PIGZ: variants seen among roughly 807,000 people sequenced by gnomAD.
PIGZ encodes phosphatidylinositol glycan anchor biosynthesis class Z (Gwada blood group), also known as GPI alpha-1,2-mannosyltransferase 4.
Under a neutral mutation model 16.4 loss-of-function variants are expected in PIGZ, and 16 were observed. The observed-to-expected ratio is 0.97, with a 90% CI of 0.66 to 1.48. PIGZ has a LOEUF of 1.48. PIGZ is among the 40% of genes most tolerant of loss of function. The pLI is 0.00. For synonymous variants in PIGZ, 409 were observed against 338.4 expected, an observed-to-expected ratio of 1.21 and a Z score of -2.29; for missense variants, 770 against 739.2, an observed-to-expected ratio of 1.04 and a Z score of -0.48.
chr3:196,952,130 CAA>C, intron 1 of PIGZ, 99 bp from the exon 2 acceptor site: 1 of 1,110,224 alleles, frequency 9.0e-7, no homozygotes, highest in Non-Finnish European at 1.3e-6. Flanking sequence ...ATAAAAATGA[CAA>C]TAATAATAAT....
Position 196,948,071 on chromosome 3 carries a change from C to T in PIGZ, c.826G>A (p.Asp276Asn). The part of the protein sequence containing the change: ...ALTAAVFVAT[D>N]SWYFSSPATS... ...GCGGGGCTGGAGAAATACCAGCTGT[C>T]CGTGGCCACAAACACCGCTGCTGTG... The change falls in exon 3 of 3, where the codon GAC becomes AAC. Residue 276 changes from aspartate (D) to asparagine (N), a missense_variant. Coordinates refer to ENST00000412723, the MANE Select transcript of PIGZ (RefSeq NM_025163.4). The T allele has an allele frequency of 6.3e-7, 1 of 1,588,018 alleles. No individual in the cohort carries two copies. Among genetic ancestry groups the T allele is most frequent in the Non-Finnish European group, 8.6e-7 (1 of 1,164,168 alleles).
At position 196,948,403 on chromosome 3, in the gene PIGZ, G is replaced by A. The variant is rs767111078; in HGVS notation, c.494C>T (p.Ser165Phe). 2.2e-5 allele frequency: 36 copies of A among 1,614,010 alleles called. No individual in the cohort carries two copies. Among genetic ancestry groups the A allele is most frequent in the Admixed American group, 3.3e-5 (2 of 60,004 alleles). The change falls in exon 3 of 3, where the codon TCC (serine) becomes TTC (phenylalanine). Residue 165 changes from serine to phenylalanine, a missense_variant. By Grantham distance (155) the Ser-to-Phe change is radical. Coordinates refer to ENST00000412723, the MANE Select transcript of PIGZ (RefSeq NM_025163.4). ...RWNALALLSG[S>F]YVTLVFYTRT... ...TGTGTAGAAGACCAGGGTGACGTAGGAACCAGACAGCAGGGCCAGGGCGTT... is the reference window on the plus strand; with the variant it reads ...TGTGTAGAAGACCAGGGTGACGTAGAAACCAGACAGCAGGGCCAGGGCGTT...
Position 196,951,867 on chromosome 3 carries a change from G to A in PIGZ, c.165C>T (p.Gly55=). The change falls in exon 2 of 3, where the codon GGC becomes GGT. Residue 55 remains glycine, a synonymous_variant. Coordinates refer to ENST00000412723, the MANE Select transcript of PIGZ (RefSeq NM_025163.4). ...RVLWCLLPQT[G]YVHPDEFFQS... ...GGAAGAACTCATCTGGGTGCACATA[G>A]CCCGTCTGCGGAAGGAGACACCACA... 1 of 1,614,118 alleles carries A rather than the reference G, an allele frequency of 6.2e-7. No homozygotes were observed. The highest frequency in any genetic ancestry group is 8.5e-7 in the Non-Finnish European group (1 of 1,180,018).
intron 2 of PIGZ, among the ~76,000 whole-genome samples, chr3:196,949,361 G>T (rs1290266135): frequency 1.3e-5 from 2 of 152,184 alleles, no homozygotes; most frequent in Non-Finnish European, 2.9e-5. Context: ...GCTGGACGCA[G>T]AAGTGGCAGT....
chr3:196,949,277 G>A (rs571371505), intron 2 of PIGZ, among the ~76,000 whole-genome samples: 11 of 152,142 alleles, frequency 7.2e-5, no homozygotes, highest in African/African-American at 2.4e-4. Flanking sequence ...CAGGAGCACT[G>A]ACTGTAAAAT....
At position 196,947,627 on chromosome 3, in the gene PIGZ, C is replaced by T. The variant is rs1276025366; in HGVS notation, c.1270G>A (p.Ala424Thr). ...TGATGCAGGCAGCCGAAGAGGAGGGCACCGAGGGCGTTGAAGAGGACCACA... is the reference window on the plus strand; with the variant it reads ...TGATGCAGGCAGCCGAAGAGGAGGGTACCGAGGGCGTTGAAGAGGACCACA... ...GTVVLFNALG[A>T]LLFGCLHQGG... The change falls in exon 3 of 3, where the codon GCC (alanine) becomes ACC (threonine). Residue 424 changes from alanine to threonine, a missense_variant. Ala to Thr is a moderately conservative substitution (Grantham distance 58). Transcript: ENST00000412723. 1.9e-6 allele frequency: 3 copies of T among 1,612,626 alleles called. No homozygotes were observed. The highest frequency in any genetic ancestry group is 2.2e-5 in the South Asian group (2 of 90,888).
intron 1 of PIGZ, among the ~76,000 whole-genome samples, chr3:196,967,453 C>T (rs1397536502): frequency 2.0e-5 from 3 of 152,176 alleles, no homozygotes; most frequent in Non-Finnish European, 4.4e-5. Context: ...GGTTCGGCCC[C>T]TTTGTCTGAA....
intron 1 of PIGZ, among the ~76,000 whole-genome samples, chr3:196,956,316 C>T (rs1236251088): frequency 1.3e-5 from 2 of 152,134 alleles, no homozygotes; most frequent in Non-Finnish European, 2.9e-5. Flanking sequence ...GGAGGCCTCA[C>T]AATCATGGTG....
rs1480959999 is a variant in PIGZ at position 196,946,440 on chromosome 3, A to T, written c.*717T>A. 1 of 152,328 alleles carries T rather than the reference A, an allele frequency of 6.6e-6. No individual in the cohort carries two copies. Among genetic ancestry groups the T allele is most frequent in the African/African-American group, 2.4e-5 (1 of 41,478 alleles). 9.4% of individuals were successfully genotyped at this position (152,328 alleles called of 1,614,324 possible). On this transcript the variant is annotated 3_prime_UTR_variant, in exon 3 of 3. Coordinates refer to ENST00000412723, the MANE Select transcript of PIGZ (RefSeq NM_025163.4). ...AGCAGGCATCAGAGTGCCATGAAGT[A>T]CAACACAACTCCCACTTCCATGCTT...
At chr3:196,966,996 C>A (rs992779201) in intron 1 of PIGZ, among the ~76,000 whole-genome samples, 4 of 151,948 alleles carry the variant, frequency 2.6e-5, no homozygotes, top group African/African-American at 9.7e-5. Flanking sequence ...GCATTGACAA[C>A]CACGCCGACA....
intron 1 of PIGZ, among the ~76,000 whole-genome samples, chr3:196,964,038 T>TTA (rs10650838): frequency 0.15 from 22,985 of 150,846 alleles, 2,442 homozygotes; most frequent in African/African-American, 0.3. Flanking sequence ...TTGCTTTTAT[T>TTA]TTTATTTTTA....
chr3:196,947,970 A>C lies in PIGZ; in HGVS notation c.927T>G (p.His309Gln), dbSNP rs762964663. 19 of 1,609,220 alleles carry C rather than the reference A, an allele frequency of 1.2e-5. No individual in the cohort carries two copies. Among genetic ancestry groups the C allele is most frequent in the Admixed American group, 1.7e-5 (1 of 59,544 alleles). ...GGTGAGTGAGCCGCGCGTGCGTGCC[A>C]TGTCTCGCCAGGTTTTGGGGATTCA... ...YNLNPQNLAR[H>Q]GTHARLTHLA... The change falls in exon 3 of 3, where the codon CAT (histidine) becomes CAG (glutamine). Residue 309 changes from histidine to glutamine, a missense_variant. Physicochemically the swap from His to Gln is conservative, Grantham distance 24 (BLOSUM62 0). Transcript: ENST00000412723.
rs970600585 is a variant in PIGZ at position 196,955,725 on chromosome 3, C to T, written c.1-3694G>A. 1.3e-4 allele frequency among the ~76,000 whole-genome samples: 19 copies of T among 151,542 alleles called. 1 individual carries two copies. Among genetic ancestry groups the T allele is most frequent in the South Asian group, 8.3e-4 (4 of 4,806 alleles). ...TCCCGAGTAGCTGGGACTATAGGTGCGCACCACCACGGCTGCCTAATTTTT... is the reference window on the plus strand; with the variant it reads ...TCCCGAGTAGCTGGGACTATAGGTGTGCACCACCACGGCTGCCTAATTTTT... On this transcript the variant is annotated intron_variant, in intron 1 of 2. Coordinates refer to ENST00000412723, the MANE Select transcript of PIGZ (RefSeq NM_025163.4).
chr3:196,956,468 A>G (rs1225381343), intron 1 of PIGZ, among the ~76,000 whole-genome samples: 1 of 152,212 alleles, frequency 6.6e-6, no homozygotes, highest in African/African-American at 2.4e-5. Context: ...TCACTACCAC[A>G]AGAACAGTAT....
chr3:196,948,377 T>G lies in PIGZ; in HGVS notation c.520A>C (p.Arg174=). The part of the protein sequence containing the change: ...GSYVTLVFYT[R]TFSNTIEGLL... ...CCCTCAATGGTGTTGGAGAAGGTCC[T>G]TGTGTAGAAGACCAGGGTGACGTAG... is the stretch of plus-strand genomic sequence containing the variant. Residue 174 remains arginine, a synonymous_variant, in exon 3 of 3, where the codon AGG becomes CGG. Coordinates refer to ENST00000412723, the MANE Select transcript of PIGZ (RefSeq NM_025163.4). 6.2e-7 allele frequency: 1 copy of G among 1,614,130 alleles called. No homozygotes were observed. The highest frequency in any genetic ancestry group is 8.5e-7 in the Non-Finnish European group (1 of 1,180,010).
chr3:196,963,965 G>T (rs938909780), intron 1 of PIGZ, among the ~76,000 whole-genome samples: 2 of 152,038 alleles, frequency 1.3e-5, no homozygotes, highest in African/African-American at 4.8e-5. Flanking sequence ...CTGAGCTTCG[G>T]ATTTACTGAT....
Position 196,947,083 on chromosome 3 carries a change from C to A in PIGZ, c.*74G>T. ...CGGGGTCCTGTCCCAGCGTCCCAGC[C>A]CAGCTACCCAAGTAGAAGGTGGGGC... is the stretch of plus-strand genomic sequence containing the variant. On this transcript the variant is annotated 3_prime_UTR_variant, in exon 3 of 3. Coordinates refer to ENST00000412723, the MANE Select transcript of PIGZ (RefSeq NM_025163.4). 1 of 1,399,718 alleles carries A rather than the reference C, an allele frequency of 7.1e-7. No homozygotes were observed. Among genetic ancestry groups the A allele is most frequent in the Non-Finnish European group, 9.7e-7 (1 of 1,033,604 alleles). The allele number at this position is 1,399,718 out of a possible 1,614,324, so 86.7% of individuals were successfully genotyped here.
chr3:196,958,530 C>T (rs1056826336), intron 1 of PIGZ, among the ~76,000 whole-genome samples: 8 of 152,228 alleles, frequency 5.3e-5, no homozygotes, highest in African/African-American at 1.9e-4. Context: ...ACTGGGGAAG[C>T]TGAGGCAGGA....
rs1488468074 is a variant in PIGZ, at chr3:196,948,400, T to C, written c.497A>G (p.Tyr166Cys). The change falls in exon 3 of 3, where the codon TAC becomes TGC. Residue 166 changes from tyrosine (Y) to cysteine (C), a missense_variant. Transcript: ENST00000412723. ...WNALALLSGS[Y>C]VTLVFYTRTF... is the part of the protein sequence containing the mutation. ...CCTTGTGTAGAAGACCAGGGTGACGTAGGAACCAGACAGCAGGGCCAGGGC... is the reference window on the plus strand; with the variant it reads ...CCTTGTGTAGAAGACCAGGGTGACGCAGGAACCAGACAGCAGGGCCAGGGC... 2 of 1,613,982 alleles carry C rather than the reference T, an allele frequency of 1.2e-6. No individual in the cohort carries two copies. The highest frequency in any genetic ancestry group is 1.1e-5 in the South Asian group (1 of 91,068).
Sources: gnomAD v4.1 joint callset for allele counts (sites outside exome capture counted in the v4.1 genomes callset) on GRCh38, gnomAD v4.1.1 for gene constraint, MANE v1.5 for transcripts, NCBI Gene and HGNC (gene_info 2026-07-23, HGNC 2026-07-21) for gene names.